The following ADAMTS12 variants were observed in gnomAD, a reference collection of about 807,000 sequenced individuals.
The protein encoded by ADAMTS12 is ADAM metallopeptidase with thrombospondin type 1 motif 12, also known as A disintegrin and metalloproteinase with thrombospondin motifs 12.
Under a neutral mutation model 167.8 loss-of-function variants are expected in ADAMTS12, and 118 were observed. That is an observed-to-expected ratio of 0.70 (90% CI 0.61 to 0.82). The LOEUF is 0.82. ADAMTS12 is among the 40% of genes least tolerant of loss of function. ADAMTS12 has a pLI of 0.00. For missense variants in ADAMTS12, 1,916 were observed against 1,998.8 expected (o/e 0.96, Z 0.79); for synonymous variants, 704 against 716.9 (o/e 0.98, Z 0.29).
intron 23 of ADAMTS12, among the ~76,000 whole-genome samples, chr5:33,532,857 G>C (rs753255355): frequency 2.0e-5 from 3 of 152,198 alleles, no homozygotes; most frequent in Non-Finnish European, 4.4e-5. Context: ...TGATTGACAA[G>C]AGTCTGGGCA....
rs564895263 is a variant in ADAMTS12, at chr5:33,610,669, C to T, written c.2527+3569G>A. Among the ~76,000 whole-genome samples the T allele has an allele frequency of 1.5e-4, 23 of 152,312 alleles. No individual in the cohort carries two copies. In the South Asian group the frequency reaches 4.8e-3, roughly 32 times the overall value. The stretch of plus-strand genomic sequence containing the variant: ...AGGTAATGAGGGAATAATCATAAGG[C>T]ATTCATTACAGAATTGCAGAAATAT... On this transcript the variant is annotated intron_variant, in intron 16 of 23. Transcript: ENST00000504830.
intron 21 of ADAMTS12, among the ~76,000 whole-genome samples, chr5:33,546,474 A>G (rs1242652459): frequency 1.3e-5 from 2 of 152,158 alleles, no homozygotes; most frequent in Non-Finnish European, 2.9e-5. Flanking sequence ...GAAGATTTAG[A>G]TTTTTTATAA....
chr5:33,551,155 G>A (rs925737267), intron 20 of ADAMTS12, among the ~76,000 whole-genome samples: 2 of 152,084 alleles, frequency 1.3e-5, no homozygotes, highest in African/African-American at 4.8e-5. Context: ...CTGTGGTTGA[G>A]GAAAGAAAAT....
chr5:33,560,952 G>A, intron 20 of ADAMTS12, 75 bp downstream of exon 20: 1 of 1,516,662 alleles, frequency 6.6e-7, no homozygotes, highest in Non-Finnish European at 8.9e-7. Context: ...TTTAGCAAGT[G>A]TTTATATAAG....
intron 13 of ADAMTS12, among the ~76,000 whole-genome samples, chr5:33,624,951 T>G (rs1739514075): frequency 6.6e-6 from 1 of 152,222 alleles, no homozygotes; most frequent in African/African-American, 2.4e-5. Context: ...TCATTTTCTT[T>G]CTAACTTGAA....
intron 2 of ADAMTS12, among the ~76,000 whole-genome samples, chr5:33,879,093 TG>T (rs567785167): frequency 9.9e-5 from 15 of 152,160 alleles, no homozygotes; most frequent in Non-Finnish European, 2.2e-4. Context: ...CTAAAATTCA[TG>T]GTGATGGCTG....
intron 18 of ADAMTS12, among the ~76,000 whole-genome samples, chr5:33,580,880 G>T (rs1367607107): frequency 6.6e-6 from 1 of 152,132 alleles, no homozygotes; most frequent in African/African-American, 2.4e-5. Flanking sequence ...TGAAGACCTG[G>T]GGTCTGGGAG....
chr5:33,708,843 G>A (rs1298293164), intron 3 of ADAMTS12, among the ~76,000 whole-genome samples: 1 of 152,016 alleles, frequency 6.6e-6, no homozygotes, highest in Non-Finnish European at 1.5e-5. Flanking sequence ...AGTATCTAAT[G>A]TAGATAACGG....
At chr5:33,533,396 C>T (rs112408212) in intron 23 of ADAMTS12, among the ~76,000 whole-genome samples, 48 of 152,230 alleles carry the variant, frequency 3.2e-4, no homozygotes, top group African/African-American at 1.1e-3. Context: ...TGGTCTAGAA[C>T]GAGGTGCTTC....
chr5:33,791,115 C>T (rs1472269220), intron 2 of ADAMTS12, among the ~76,000 whole-genome samples: 1 of 152,122 alleles, frequency 6.6e-6, no homozygotes, highest in Non-Finnish European at 1.5e-5. Flanking sequence ...TGATTTCTTA[C>T]CCCACCCAGG....
rs779806882 is a variant in ADAMTS12 at position 33,588,586 on chromosome 5, G to A, written c.2865+13C>T. On this transcript the variant is annotated intron_variant, in intron 18 of 23. Coordinates refer to ENST00000504830, the MANE Select transcript of ADAMTS12 (RefSeq NM_030955.4). ...TGAATAATGCCAGTTTCCCCGCCGA[G>A]CCCTGAGCTCACCTCACTCCAGTTG... 1.2e-6 allele frequency: 2 copies of A among 1,613,286 alleles called. No individual in the cohort carries two copies. Among genetic ancestry groups the A allele is most frequent in the East Asian group, 2.2e-5 (1 of 44,882 alleles).
At chr5:33,882,154 G>C (rs1221425128) in intron 1 of ADAMTS12, among the ~76,000 whole-genome samples, 2 of 152,050 alleles carry the variant, frequency 1.3e-5, no homozygotes, top group Admixed American at 1.3e-4. Flanking sequence ...TGGATTATAA[G>C]GTGCTTCAAC....
intron 6 of ADAMTS12, among the ~76,000 whole-genome samples, chr5:33,660,549 G>C (rs146098629): frequency 1.9e-4 from 29 of 152,268 alleles, no homozygotes; most frequent in African/African-American, 6.7e-4. Flanking sequence ...ATCTGAATCT[G>C]CTCTCAGGGG....
Position 33,624,279 on chromosome 5 carries a change from A to C in ADAMTS12, c.2095T>G (p.Ser699Ala). 6.2e-7 allele frequency: 1 copy of C among 1,614,090 alleles called. No individual in the cohort carries two copies. ...DRCGVCLGDG[S>A]SCQTVRKMFK... ...ATCTTTCTCACAGTCTGGCAGGAAG[A>C]GCCATCTCCCAGGCACACACCGCAG... Residue 699 changes from serine (S) to alanine (A), a missense_variant, in exon 14 of 24, where the codon TCT becomes GCT. By Grantham distance (99) the Ser-to-Ala change is moderately conservative. Coordinates refer to ENST00000504830, the MANE Select transcript of ADAMTS12 (RefSeq NM_030955.4).
At chr5:33,844,720 T>C (rs1748878963) in intron 2 of ADAMTS12, among the ~76,000 whole-genome samples, 1 of 152,206 alleles carries the variant, frequency 6.6e-6, no homozygotes, top group South Asian at 2.1e-4. Flanking sequence ...AAGCACGTGA[T>C]CTCTGTGACC....
At chr5:33,764,929 T>C (rs189392597) in intron 2 of ADAMTS12, among the ~76,000 whole-genome samples, 1 of 152,166 alleles carries the variant, frequency 6.6e-6, no homozygotes, top group East Asian at 1.9e-4. Flanking sequence ...ACAAACAGTT[T>C]AAAGCAGCGC....
In ADAMTS12 at chr5:33,596,024, C is replaced by A. The variant is rs770248742; in HGVS notation, c.2564G>T (p.Gly855Val). The change falls in exon 17 of 24, where the codon GGC becomes GTC. Residue 855 changes from glycine (G) to valine (V), a missense_variant. Physicochemically the swap from Gly to Val is moderately radical, Grantham distance 109. Transcript: ENST00000504830. The part of the protein sequence containing the change: ...RRQTAHCIKK[G>V]RGMVKATFCD... ...GAATGTAGCTTTCACCATCCCGCGG[C>A]CCTTCTTTATGCAATGGGCAGTTTG... 1 of 1,614,056 alleles carries A rather than the reference C, an allele frequency of 6.2e-7. No homozygotes were observed. The highest frequency in any genetic ancestry group is 1.7e-5 in the Admixed American group (1 of 60,008).
At chr5:33,602,045 A>G (rs1579730867) in intron 16 of ADAMTS12, among the ~76,000 whole-genome samples, 1 of 152,316 alleles carries the variant, frequency 6.6e-6, no homozygotes, top group South Asian at 2.1e-4. Flanking sequence ...GAGGCCTACA[A>G]TGCCTCACAG....
chr5:33,621,662 C>A (rs190272077), intron 14 of ADAMTS12, among the ~76,000 whole-genome samples: 5 of 152,262 alleles, frequency 3.3e-5, no homozygotes, highest in Admixed American at 3.3e-4. Flanking sequence ...GTCAGCTTGT[C>A]TTTTTAAAGA....
Sources: gnomAD v4.1 joint callset for allele counts (sites outside exome capture counted in the v4.1 genomes callset) on GRCh38, gnomAD v4.1.1 for gene constraint, MANE v1.5 for transcripts, NCBI Gene and HGNC (gene_info 2026-07-23, HGNC 2026-07-21) for gene names.